WDR33: variants seen among roughly 807,000 people sequenced by gnomAD.
WDR33 encodes pre-mRNA 3' end processing protein WDR33.
Under a neutral mutation model 164.9 loss-of-function variants are expected in WDR33, and 47 were observed. The ratio of observed to expected loss-of-function variants is 0.29; its 90% CI spans 0.23 to 0.36. WDR33 has a LOEUF of 0.36. Among genes scored for constraint, WDR33 ranks in the 10% least tolerant of loss-of-function variants. The pLI is 1.00. For missense variants in WDR33, 1,137 were observed against 1,754.1 expected, an observed-to-expected ratio of 0.65 and a Z score of 6.28; for synonymous variants, 505 against 589.0, an observed-to-expected ratio of 0.86 and a Z score of 2.06.
chr2:127,777,318 C>T (rs1688219194), intron 1 of WDR33, among the ~76,000 whole-genome samples: 2 of 152,178 alleles, frequency 1.3e-5, no homozygotes, highest in Non-Finnish European at 2.9e-5. Flanking sequence ...CTCCTAATTT[C>T]GCAGAACAGT....
chr2:127,784,084 A>C (rs1029841913), intron 1 of WDR33, among the ~76,000 whole-genome samples: 1 of 152,146 alleles, frequency 6.6e-6, no homozygotes, highest in Non-Finnish European at 1.5e-5. Flanking sequence ...GAAAAGTAGC[A>C]TTGTTTTTCA....
rs765153284 is a variant in WDR33, at chr2:127,713,867, G to A, written c.3024C>T (p.Asp1008=). Residue 1008 remains aspartate, a synonymous_variant, in exon 18 of 22, where the codon GAC becomes GAT. Coordinates refer to ENST00000322313, the MANE Select transcript of WDR33 (RefSeq NM_018383.5). This position sits in a 1 kb window ranked among gnomAD's most constrained non-coding sequence, Gnocchi z 6.2. ...CTGGTCTGCTGAAGTCATCGGGGAA[G>A]TCTGGGTGAGGGCCACGCCTATCAG... is the stretch of plus-strand genomic sequence containing the variant. ...GPPDRRGPHP[D]FPDDFSRPDD... is the part of the protein sequence containing the mutation. The A allele has an allele frequency of 3.7e-6, 6 of 1,614,142 alleles. No individual in the cohort carries two copies. The East Asian group carries it at 8.9e-5, about 24-fold the overall frequency.
At chr2:127,730,886 T>C (rs760124432) in intron 7 of WDR33, among the ~76,000 whole-genome samples, 10 of 152,024 alleles carry the variant, frequency 6.6e-5, no homozygotes, top group Non-Finnish European at 1.2e-4. Context: ...TGTGTGTGTG[T>C]GAACTCTCGA....
rs1298243799 is a variant in WDR33, at chr2:127,784,176, AAT to A, written c.-23-13174_-23-13173del. Among the ~76,000 whole-genome samples the A allele has an allele frequency of 3.9e-5, 6 of 152,276 alleles. No individual in the cohort carries two copies. In the East Asian group the frequency reaches 5.8e-4, roughly 15 times the overall value. ...TTTGCTTCTGCATTCAGTCTGCTGC[AAT>A]ATGTTATTTAAGTATATGAAAAATA... On this transcript the variant is annotated intron_variant, in intron 1 of 21. Transcript: ENST00000322313.
rs140087774 is a variant in WDR33 at position 127,770,862 on chromosome 2, C to T, written c.120G>A (p.Gln40=). 7.3e-3 allele frequency: 11,799 copies of T among 1,614,096 alleles called. 93 individuals carry two copies. Among genetic ancestry groups the T allele is most frequent in the South Asian group, 0.03 (2,759 of 91,082 alleles). Residue 40 remains glutamine, a synonymous_variant, in exon 2 of 22, where the codon CAG becomes CAA. Transcript: ENST00000322313. The surrounding 1 kb of genome is among the most constrained non-coding windows in gnomAD (Gnocchi z 4.9). ...PDFAQQQAMQ[Q]LTFDGKRMRK... ...TCATTCGTTTTCCATCAAAAGTAAG[C>T]TGTTGCATTGCTTGCTGTTGTGCAA...
At chr2:127,752,988 C>T (rs72846260) in intron 7 of WDR33, among the ~76,000 whole-genome samples, 2,167 of 152,302 alleles carry the variant, frequency 0.014, 25 homozygotes, top group Middle Eastern at 0.085. Flanking sequence ...CAATGGCACA[C>T]TGTCGGTTCA....
chr2:127,796,657 T>C (rs184038396), intron 1 of WDR33, among the ~76,000 whole-genome samples: 167 of 152,206 alleles, frequency 1.1e-3, no homozygotes, highest in East Asian at 3.9e-4. Flanking sequence ...CTTCATTACA[T>C]GCTTTTTTAT....
chr2:127,738,077 T>C lies in WDR33; in HGVS notation c.725-11300A>G, dbSNP rs1487232600. ...TATCTATCAAAACAAGAAGGGTGCA[T>C]GAACTCTTAAATACTGTGCAGGCAG... On this transcript the variant is annotated intron_variant, in intron 7 of 21. Transcript: ENST00000322313. The surrounding 1 kb of genome is among the most constrained non-coding windows in gnomAD (Gnocchi z 4.4). The C allele has an allele frequency of 1.2e-6, 2 of 1,610,684 alleles. No homozygotes were observed. The highest frequency in any genetic ancestry group is 2.2e-5 in the East Asian group (1 of 44,638).
chr2:127,713,919 C>G lies in WDR33; in HGVS notation c.2972G>C (p.Arg991Pro), dbSNP rs558353802. ...GGGACCCCTGCAGTCCTGGCCACCC[C>G]GGAAAGGCCCCCTCTCGGGCCCATG... ...PEHGPERGPFRGGQDCRGPPD... is the reference protein window; with the variant it reads ...PEHGPERGPFPGGQDCRGPPD... The change falls in exon 18 of 22, where the codon CGG becomes CCG. Residue 991 changes from arginine (R) to proline (P), a missense_variant. Arg to Pro is a moderately radical substitution (Grantham distance 103, BLOSUM62 -2). Coordinates refer to ENST00000322313, the MANE Select transcript of WDR33 (RefSeq NM_018383.5). This position sits in a 1 kb window ranked among gnomAD's most constrained non-coding sequence, Gnocchi z 6.2. The G allele has an allele frequency of 6.2e-7, 1 of 1,610,442 alleles. No homozygotes were observed. The highest frequency in any genetic ancestry group is 1.7e-5 in the Admixed American group (1 of 59,746).
intron 1 of WDR33, among the ~76,000 whole-genome samples, chr2:127,791,384 T>C (rs968196070): frequency 4.6e-5 from 7 of 151,970 alleles, no homozygotes; most frequent in Admixed American, 6.6e-5. Flanking sequence ...AAAAATACCA[T>C]AGACTGGGTG....
chr2:127,788,445 C>T (rs868165737), intron 1 of WDR33, among the ~76,000 whole-genome samples: 2,069 of 125,902 alleles, frequency 0.016, 36 homozygotes, highest in African/African-American at 0.062. Flanking sequence ...ACCTCCCTCC[C>T]GGACGGGGCG....
In WDR33 at chr2:127,719,028, A is replaced by T. The variant is rs138233443; in HGVS notation, c.2760+237T>A. ...TTTTCTGAAGAAACTCTATTACCAA[A>T]AAAAGAAAAATGGTGAGAAGTAAAA... On this transcript the variant is annotated intron_variant, in intron 16 of 21. Transcript: ENST00000322313. The surrounding 1 kb of genome is among the most constrained non-coding windows in gnomAD (Gnocchi z 6.5). Among the ~76,000 whole-genome samples the T allele has an allele frequency of 1.3e-5, 2 of 152,372 alleles. No individual in the cohort carries two copies. The highest frequency in any genetic ancestry group is 3.9e-4 in the East Asian group (2 of 5,190).
At position 127,712,753 on chromosome 2, in the gene WDR33, T is replaced by A. The variant is rs1686212077; in HGVS notation, c.3308+830A>T. On this transcript the variant is annotated intron_variant, in intron 18 of 21. Transcript: ENST00000322313. This position sits in a 1 kb window ranked among gnomAD's most constrained non-coding sequence, Gnocchi z 4.0. ...AGATTTTACTATTTCCTGGTGTTTT[T>A]TTGTTTTGTTTTGTTTTTCTTTTAA... is the stretch of plus-strand genomic sequence containing the variant. Among the ~76,000 whole-genome samples the A allele has an allele frequency of 6.6e-6, 1 of 152,184 alleles. No homozygotes were observed. Among genetic ancestry groups the A allele is most frequent in the South Asian group, 2.1e-4 (1 of 4,828 alleles).
At position 127,704,205 on chromosome 2, in the gene WDR33, G is replaced by A. The variant is rs532860482; in HGVS notation, c.*2118C>T. The A allele has an allele frequency of 3.0e-5, 5 of 166,532 alleles. No individual in the cohort carries two copies. The South Asian group carries it at 1.0e-3, about 35-fold the overall frequency. The allele number at this position is 166,532 out of a possible 1,614,324, so 10.3% of individuals were successfully genotyped here. A position where few individuals can be genotyped will look rare whatever the true frequency, so the allele number is the denominator to read the frequency against. On this transcript the variant is annotated 3_prime_UTR_variant, in exon 22 of 22. Coordinates refer to ENST00000322313, the MANE Select transcript of WDR33 (RefSeq NM_018383.5). ...ACAACATCTAGTATGTATGCTGACA[G>A]TGATGTTTTTAAATGCCATATATAT...
In WDR33 at chr2:127,719,608, G is replaced by T. The variant is rs564494896; in HGVS notation, c.2417C>A (p.Pro806Gln). The change falls in exon 16 of 22, where the codon CCG becomes CAG. Residue 806 changes from proline (P) to glutamine (Q), a missense_variant. Around this residue, in one of 9 missense-constraint regions of WDR33, gnomAD observed 867 missense variants for 1,073.0 expected, o/e 0.81. Coordinates refer to ENST00000322313, the MANE Select transcript of WDR33 (RefSeq NM_018383.5). The surrounding 1 kb of genome is among the most constrained non-coding windows in gnomAD (Gnocchi z 6.5). Reference protein sequence around the residue: ...PAPQGMIMGHPPQEMRGPHPP... With the variant: ...PAPQGMIMGHQPQEMRGPHPP... ...GTGAGGTCCTCTCATCTCTTGAGGC[G>T]GGTGGCCCATAATCATCCCTTGGGG... 6.2e-7 allele frequency: 1 copy of T among 1,613,732 alleles called. No individual in the cohort carries two copies. Among genetic ancestry groups the T allele is most frequent in the Admixed American group, 1.7e-5 (1 of 59,984 alleles).
At chr2:127,762,762 T>C (rs1687715972) in intron 7 of WDR33, 1 of 1,129,382 alleles carries the variant, frequency 8.9e-7, no homozygotes, top group African/African-American at 1.6e-5. Flanking sequence ...ACAAGTACCC[T>C]GGCTACAAGG....
At chr2:127,779,837 T>C (rs1414127662) in intron 1 of WDR33, among the ~76,000 whole-genome samples, 1 of 152,248 alleles carries the variant, frequency 6.6e-6, no homozygotes, top group Non-Finnish European at 1.5e-5. Context: ...CAGCCACTAA[T>C]CAGAGCTTCC....
intron 1 of WDR33, among the ~76,000 whole-genome samples, chr2:127,778,634 G>C (rs935703850): frequency 6.6e-6 from 1 of 152,004 alleles, no homozygotes; most frequent in Non-Finnish European, 1.5e-5. Context: ...CTGTGTGAGA[G>C]GCACTATTAC....
chr2:127,722,130 A>G lies in WDR33; in HGVS notation c.1519-142T>C. On this transcript the variant is annotated intron_variant, in intron 14 of 21. Coordinates refer to ENST00000322313, the MANE Select transcript of WDR33 (RefSeq NM_018383.5). This position sits in a 1 kb window ranked among gnomAD's most constrained non-coding sequence, Gnocchi z 5.1. ...CTTTTTACCTTTTCTCCATGACTCA[A>G]GTACATGACTCATGCTAATTCTTAC... The G allele has an allele frequency of 1.1e-6, 1 of 941,502 alleles. No homozygotes were observed. The highest frequency in any genetic ancestry group is 1.5e-6 in the Non-Finnish European group (1 of 645,550). 58.3% of individuals were successfully genotyped at this position (941,502 alleles called of 1,614,324 possible).
Sources: allele counts gnomAD v4.1 joint callset (sites outside exome capture counted in the v4.1 genomes callset), GRCh38; gene constraint gnomAD v4.1.1; regional missense constraint gnomAD v4.1.1; non-coding constraint Gnocchi (gnomAD v3.1); transcripts MANE v1.5; gene names NCBI Gene and HGNC (gene_info 2026-07-23, HGNC 2026-07-21).